Variants in LYN observed in about 807,000 individuals in gnomAD.
The protein encoded by LYN is LYN proto-oncogene, Src family tyrosine kinase, also known as tyrosine-protein kinase Lyn.
LYN carries 12 observed loss-of-function variants against 65.0 expected under a neutral mutation model. The observed-to-expected ratio is 0.18, with a 90% CI of 0.12 to 0.30. LYN has a LOEUF of 0.30. LYN is among the 10% of genes least tolerant of loss of function. The pLI is 1.00. For synonymous variants in LYN, 222 were observed against 221.2 expected, an observed-to-expected ratio of 1.00 and a Z score of -0.03; for missense variants, 380 against 623.2, an observed-to-expected ratio of 0.61 and a Z score of 4.16.
At chr8:55,953,747 G>A (rs1807020070) in intron 7 of LYN, 85 bp from the exon 8 acceptor site, 6 of 1,209,452 alleles carry the variant, frequency 5.0e-6, no homozygotes, top group Admixed American at 2.1e-5. Context: ...GACACTATAA[G>A]GCTAGTGTTC....
intron 2 of LYN, 26 bp from the exon 3 acceptor site, chr8:55,946,422 T>G (rs1806779640): frequency 3.2e-6 from 5 of 1,554,818 alleles, no homozygotes; most frequent in Non-Finnish European, 4.4e-6. Context: ...ACAGAATTTT[T>G]TTTTCTAACA....
chr8:55,891,282 G>GTT (rs1239241868), intron 1 of LYN, among the ~76,000 whole-genome samples: 3 of 151,446 alleles, frequency 2.0e-5, no homozygotes, highest in Admixed American at 1.3e-4. Context: ...AACCCGGGAG[G>GTT]CAGAGGTTGC....
intron 10 of LYN, among the ~76,000 whole-genome samples, chr8:55,973,119 C>G (rs1228660420): frequency 6.6e-6 from 1 of 152,162 alleles, no homozygotes; most frequent in African/African-American, 2.4e-5. Context: ...CCATCTGTAT[C>G]TGGCCTCTTC....
intron 9 of LYN, among the ~76,000 whole-genome samples, chr8:55,968,348 C>G (rs749888930): frequency 1.3e-5 from 2 of 152,100 alleles, no homozygotes; most frequent in African/African-American, 2.4e-5. Context: ...CTCTGCCTCC[C>G]AGGTTCCAGT....
chr8:55,896,130 C>T (rs1053271175), intron 1 of LYN, among the ~76,000 whole-genome samples: 5 of 151,516 alleles, frequency 3.3e-5, no homozygotes, highest in East Asian at 1.9e-4. Context: ...TTTAGCTAGA[C>T]GTGGTGGCAT....
chr8:55,980,872 T>C (rs888522200), intron 10 of LYN, among the ~76,000 whole-genome samples: 1 of 152,230 alleles, frequency 6.6e-6, no homozygotes, highest in Non-Finnish European at 1.5e-5. Flanking sequence ...ATCACCAACA[T>C]CCACCTGCAG....
chr8:55,881,358 G>A (rs1481070842), intron 1 of LYN, among the ~76,000 whole-genome samples: 3 of 152,174 alleles, frequency 2.0e-5, no homozygotes, highest in Non-Finnish European at 2.9e-5. Context: ...AAACTGGTGG[G>A]CTACAGGGAT....
chr8:55,909,044 CACA>C (rs1805522939), intron 1 of LYN, among the ~76,000 whole-genome samples: 1 of 73,678 alleles, frequency 1.4e-5, no homozygotes. Flanking sequence ...CACACACACA[CACA>C]CACACCCCAC....
chr8:55,884,877 C>T (rs1045469611), intron 1 of LYN, among the ~76,000 whole-genome samples: 3 of 152,186 alleles, frequency 2.0e-5, no homozygotes, highest in Admixed American at 6.5e-5. Flanking sequence ...CTGTTCTGTA[C>T]TTCATTTTCT....
intron 1 of LYN, among the ~76,000 whole-genome samples, chr8:55,935,367 G>A (rs1037690194): frequency 3.3e-5 from 5 of 152,136 alleles, no homozygotes; most frequent in Admixed American, 3.3e-4. Flanking sequence ...TTTTATTGAG[G>A]AAAAATATTG....
chr8:55,955,986 A>G (rs1807096122), intron 8 of LYN, among the ~76,000 whole-genome samples: 1 of 152,208 alleles, frequency 6.6e-6, no homozygotes, highest in Non-Finnish European at 1.5e-5. Context: ...GAATGTTCAC[A>G]TACAAATTAT....
At chr8:55,957,750 C>G (rs967621781) in intron 8 of LYN, among the ~76,000 whole-genome samples, 4 of 152,106 alleles carry the variant, frequency 2.6e-5, no homozygotes, top group African/African-American at 9.7e-5. Context: ...CAAGACTAGT[C>G]TGGACAACAT....
intron 1 of LYN, among the ~76,000 whole-genome samples, chr8:55,904,729 A>G (rs1454393587): frequency 1.3e-5 from 2 of 152,100 alleles, no homozygotes; most frequent in Non-Finnish European, 2.9e-5. Context: ...CAGCCTTGTA[A>G]CAGAGCGAGA....
chr8:55,978,777 G>A (rs911850972), intron 10 of LYN, among the ~76,000 whole-genome samples: 3 of 152,162 alleles, frequency 2.0e-5, no homozygotes, highest in Non-Finnish European at 2.9e-5. Flanking sequence ...GGGACTTTGC[G>A]ACAGGGAAGT....
At chr8:55,967,461 C>A (rs1359115291) in intron 9 of LYN, among the ~76,000 whole-genome samples, 1 of 151,652 alleles carries the variant, frequency 6.6e-6, no homozygotes, top group Non-Finnish European at 1.5e-5. Flanking sequence ...ACTACAGGCA[C>A]GTGCCACCAT....
intron 8 of LYN, among the ~76,000 whole-genome samples, chr8:55,963,543 GC>G (rs1807349011): frequency 6.6e-6 from 1 of 152,204 alleles, no homozygotes; most frequent in Non-Finnish European, 1.5e-5. Flanking sequence ...TAGGGCAGCT[GC>G]TCCAGAGTCC....
At position 55,966,701 on chromosome 8, in the gene LYN, T is replaced by C. The variant is rs1807470054; in HGVS notation, c.791-14T>C. The C allele has an allele frequency of 6.2e-7, 1 of 1,608,598 alleles. No individual in the cohort carries two copies. The highest frequency in any genetic ancestry group is 1.1e-5 in the South Asian group (1 of 90,666). On this transcript the variant is annotated splice_polypyrimidine_tract_variant and intron_variant, in intron 8 of 12. Transcript: ENST00000519728. ...TGTTTTATAAAGCATGCCCGCCTTCTTTTTTCTTCCTAGGTTACTATAACA... is the reference window on the plus strand; with the variant it reads ...TGTTTTATAAAGCATGCCCGCCTTCCTTTTTCTTCCTAGGTTACTATAACA...
chr8:56,009,921 C>T lies in LYN; in HGVS notation c.1350C>T (p.Ala450=), dbSNP rs142291090. ...GKIPYPGRTN[A]DVMTALSQGY... is the part of the protein sequence containing the mutation. The stretch of plus-strand genomic sequence containing the variant: ...TTTCCACCCTAGGGAGAACTAATGC[C>T]GACGTGATGACCGCCCTGTCCCAGG... Residue 450 remains alanine (A), a synonymous_variant, in exon 13 of 13, where the codon GCC becomes GCT. Coordinates refer to ENST00000519728, the MANE Select transcript of LYN (RefSeq NM_002350.4). The T allele has an allele frequency of 4.5e-4, 731 of 1,613,810 alleles. 5 individuals carry two copies. In the Middle Eastern group the frequency reaches 9.9e-3, roughly 22 times the overall value.
chr8:55,915,698 C>T (rs1805762560), intron 1 of LYN, among the ~76,000 whole-genome samples: 1 of 152,078 alleles, frequency 6.6e-6, no homozygotes, highest in Admixed American at 6.5e-5. Flanking sequence ...AAGAGCAAGA[C>T]TCCGTCTCAA....
Sources: allele counts gnomAD v4.1 joint callset (sites outside exome capture counted in the v4.1 genomes callset), GRCh38; gene constraint gnomAD v4.1.1; transcripts MANE v1.5; gene names NCBI Gene and HGNC (gene_info 2026-07-23, HGNC 2026-07-21).